The following UBE2D4 variants were observed in gnomAD, a reference collection of about 807,000 sequenced individuals.
UBE2D4 encodes the protein ubiquitin-conjugating enzyme E2 D4.
Under a neutral mutation model 23.0 loss-of-function variants are expected in UBE2D4, and 17 were observed. The observed-to-expected ratio is 0.74, with a 90% CI of 0.51 to 1.11. UBE2D4 has a LOEUF of 1.11. UBE2D4 is among the 50% of genes least tolerant of loss of function. UBE2D4 has a pLI of 0.00. For missense variants in UBE2D4, 139 were observed against 181.8 expected, an observed-to-expected ratio of 0.76 and a Z score of 1.35; for synonymous variants, 61 against 69.4, an observed-to-expected ratio of 0.88 and a Z score of 0.60.
chr7:43,933,051 T>C (rs1043801610), intron 1 of UBE2D4, among the ~76,000 whole-genome samples: 3 of 146,480 alleles, frequency 2.0e-5, no homozygotes, highest in Non-Finnish European at 4.5e-5. Flanking sequence ...TGTGTGTATA[T>C]ATATAACATA....
intron 2 of UBE2D4, among the ~76,000 whole-genome samples, chr7:43,940,005 T>G (rs1437188918): frequency 6.6e-6 from 1 of 152,226 alleles, no homozygotes; most frequent in Non-Finnish European, 1.5e-5. Context: ...TTGTTTAAAT[T>G]GCATATTTTA....
rs184449580 is a variant in UBE2D4 at position 43,929,218 on chromosome 7, A to C, written c.24+2662A>C. Among the ~76,000 whole-genome samples, 733 of 152,170 alleles carry C rather than the reference A, an allele frequency of 4.8e-3. 6 individuals are homozygous for C. Among genetic ancestry groups the C allele is most frequent in the South Asian group, 0.024 (117 of 4,818 alleles). On this transcript the variant is annotated intron_variant, in intron 1 of 6. Transcript: ENST00000222402. ...GGCGGGTGTATCATTTAAGGTCAGG[A>C]GTTTGAGACCAGCCTGGCCAACTTA...
intron 2 of UBE2D4, chr7:43,941,347 C>T (rs751369169): frequency 3.3e-5 from 5 of 152,206 alleles, no homozygotes; most frequent in Non-Finnish European, 7.3e-5. Flanking sequence ...GTGTTTGGGC[C>T]ATACTGGGCT....
intron 6 of UBE2D4, 32 bp from the exon 7 acceptor site, chr7:43,952,616 TGA>T: frequency 6.2e-7 from 1 of 1,601,978 alleles, no homozygotes; most frequent in Non-Finnish European, 8.6e-7. Flanking sequence ...CCATTTCAAG[TGA>T]GGGTGTCACT....
chr7:43,927,422 CCCT>C (rs957883405), intron 1 of UBE2D4, among the ~76,000 whole-genome samples: 34 of 151,616 alleles, frequency 2.2e-4, no homozygotes, highest in African/African-American at 8.0e-4. Context: ...AAGTGATCCT[CCCT>C]CCTCAGCTTC....
In UBE2D4 at chr7:43,950,682, G is replaced by A. The variant is rs553718857; in HGVS notation, c.388G>A (p.Asp130Asn). 82 of 1,613,954 alleles carry A rather than the reference G, an allele frequency of 5.1e-5. No individual in the cohort carries two copies. Among genetic ancestry groups the A allele is most frequent in the Non-Finnish European group, 6.7e-5 (79 of 1,179,934 alleles). The change falls in exon 6 of 7, where the codon GAC becomes AAC. Residue 130 changes from aspartate (D) to asparagine (N), a missense_variant. Physicochemically the swap from Asp to Asn is conservative, Grantham distance 23. Transcript: ENST00000222402. ...AGAGATAGCACACACCTACAAGGCC[G>A]ACAGAGAGAAGTACGTGTCCTCTTT... ...VPEIAHTYKA[D>N]REKYNRLARE...
At chr7:43,928,880 T>A (rs1006610116) in intron 1 of UBE2D4, among the ~76,000 whole-genome samples, 1 of 152,172 alleles carries the variant, frequency 6.6e-6, no homozygotes, top group Non-Finnish European at 1.5e-5. Flanking sequence ...ATGTGTAGGC[T>A]GATAAGATTT....
chr7:43,948,982 G>T, intron 5 of UBE2D4: 1 of 453,938 alleles, frequency 2.2e-6, no homozygotes, highest in Non-Finnish European at 3.9e-6. Flanking sequence ...ACTGTCACAT[G>T]GGTGCAAGAA....
At chr7:43,945,750 C>A (rs948577804) in intron 4 of UBE2D4, among the ~76,000 whole-genome samples, 1 of 147,916 alleles carries the variant, frequency 6.8e-6, no homozygotes, top group Non-Finnish European at 1.5e-5. Flanking sequence ...AGTGAGTTCT[C>A]AAAGCTAGCG....
In UBE2D4 at chr7:43,948,732, C is replaced by G. The variant is rs1451304135; in HGVS notation, c.299C>G (p.Ser100Ter). 1 of 1,610,094 alleles carries G rather than the reference C, an allele frequency of 6.2e-7. No individual in the cohort carries two copies. The highest frequency in any genetic ancestry group is 1.3e-5 in the African/African-American group (1 of 74,850). Residue 100 changes from serine to a stop codon, truncating the protein, a stop_gained, in exon 5 of 7, where the codon TCA becomes TGA. Transcript: ENST00000222402. LOFTEE classifies it high-confidence loss of function. ...CAGTGGTCTCCAGCGTTGACTGTGT[C>G]AAAAGGTAGAGATGCTGATGGCATG... ...RSQWSPALTV[S>*]KVLLSICSLL...
chr7:43,938,424 G>T lies in UBE2D4; in HGVS notation c.25-7G>T, dbSNP rs779724675. 4 of 1,613,950 alleles carry T rather than the reference G, an allele frequency of 2.5e-6. No homozygotes were observed. The Admixed American group carries it at 6.7e-5, about 27-fold the overall frequency. On this transcript the variant is annotated splice_region_variant and splice_polypyrimidine_tract_variant and intron_variant, in intron 1 of 6. Coordinates refer to ENST00000222402, the MANE Select transcript of UBE2D4 (RefSeq NM_015983.4). ...CAGCAGCTCTGACCCACTCTCTCATGTTCTAGGAATTAACCGACTTGCAGA... is the reference window on the plus strand; with the variant it reads ...CAGCAGCTCTGACCCACTCTCTCATTTTCTAGGAATTAACCGACTTGCAGA...
rs1452158038 is a variant in UBE2D4 at position 43,938,299 on chromosome 7, C to T, written c.25-132C>T. ...CAGGGAGTAGAGTCCTATGACCCAC[C>T]ATGTCTCTAACCCCCTCCTGAGGCC... On this transcript the variant is annotated intron_variant, in intron 1 of 6. Transcript: ENST00000222402. 8 of 799,826 alleles carry T rather than the reference C, an allele frequency of 1.0e-5. No individual in the cohort carries two copies. The Admixed American group carries it at 1.5e-4, about 15-fold the overall frequency. The allele number at this position is 799,826 out of a possible 1,614,324, so 49.5% of individuals were successfully genotyped here. A position where few individuals can be genotyped will look rare whatever the true frequency, so the allele number is the denominator to read the frequency against.
At chr7:43,938,352 C>T in intron 1 of UBE2D4, 79 bp from the exon 2 acceptor site, 2 of 1,429,102 alleles carry the variant, frequency 1.4e-6, no homozygotes, top group Admixed American at 3.3e-5. Flanking sequence ...CAGGAGAATT[C>T]CTTCCAGCTA....
intron 1 of UBE2D4, among the ~76,000 whole-genome samples, chr7:43,931,305 C>A (rs2442390): frequency 0.061 from 9,264 of 151,728 alleles, 313 homozygotes; most frequent in East Asian, 0.1. Flanking sequence ...AGGCATGGTT[C>A]TTGGCATGTG....
chr7:43,938,853 A>G (rs2095964475), intron 2 of UBE2D4, among the ~76,000 whole-genome samples: 1 of 152,062 alleles, frequency 6.6e-6, no homozygotes, highest in Non-Finnish European at 1.5e-5. Flanking sequence ...CACAAACAAA[A>G]CCAAACAACC....
At chr7:43,941,573 C>G (rs2095972668) in intron 2 of UBE2D4, 1 of 152,296 alleles carries the variant, frequency 6.6e-6, no homozygotes, top group Non-Finnish European at 1.5e-5. Context: ...GGAGAGGACT[C>G]AGATGAAGGC....
At chr7:43,951,680 C>T (rs1460731708) in intron 6 of UBE2D4, among the ~76,000 whole-genome samples, 1 of 151,938 alleles carries the variant, frequency 6.6e-6, no homozygotes, top group Non-Finnish European at 1.5e-5. Context: ...ACAGGCGTGT[C>T]CCACCACACC....
chr7:43,951,942 CTT>C (rs2096003480), intron 6 of UBE2D4: 1 of 152,140 alleles, frequency 6.6e-6, no homozygotes, highest in South Asian at 2.1e-4. Flanking sequence ...TATTTTAACA[CTT>C]TTTACAAGAT....
intron 2 of UBE2D4, 122 bp from the exon 3 acceptor site, chr7:43,942,704 T>C (rs2095975873): frequency 7.2e-6 from 10 of 1,388,516 alleles, no homozygotes; most frequent in Non-Finnish European, 1.0e-5. Flanking sequence ...AGTCTTGCAG[T>C]TGGTGTCAGA....
Sources: allele counts gnomAD v4.1 joint callset (sites outside exome capture counted in the v4.1 genomes callset), GRCh38; gene constraint gnomAD v4.1.1; transcripts MANE v1.5; gene names NCBI Gene and HGNC (gene_info 2026-07-23, HGNC 2026-07-21).